CSMD1: variants seen among roughly 807,000 people sequenced by gnomAD.
The protein encoded by CSMD1 is CUB and Sushi multiple domains 1, also known as CUB and sushi domain-containing protein 1.
CSMD1 carries 213 observed loss-of-function variants against 417.5 expected under a neutral mutation model. The ratio of observed to expected loss-of-function variants is 0.51; its 90% CI spans 0.46 to 0.57. The LOEUF is 0.57. Among genes scored for constraint, CSMD1 ranks in the 20% least tolerant of loss-of-function variants. The pLI is 0.00. For missense variants in CSMD1, 6,923 were observed against 4,529.7 expected (o/e 1.53, Z -15.17); for synonymous variants, 2,862 against 1,736.8 (o/e 1.65, Z -16.11).
chr8:3,738,942 A>G (rs1407747454), intron 6 of CSMD1, among the ~76,000 whole-genome samples: 1 of 152,186 alleles, frequency 6.6e-6, no homozygotes, highest in African/African-American at 2.4e-5. Context: ...CTGAATGCGC[A>G]TATTTGTATG....
chr8:3,327,155 T>C (rs1462736720), intron 23 of CSMD1, among the ~76,000 whole-genome samples: 1 of 152,138 alleles, frequency 6.6e-6, no homozygotes, highest in African/African-American at 2.4e-5. Flanking sequence ...ATCTTTTTTT[T>C]TTTTTGAAAG....
rs562358234 is a variant in CSMD1, at chr8:3,053,328, G to A, written c.7475-681C>T. On this transcript the variant is annotated intron_variant, in intron 49 of 69. Transcript: ENST00000635120. The stretch of plus-strand genomic sequence containing the variant: ...ATCTCATATTGGAAAGAAAGAAGAA[G>A]GGATGAAGCAGCATCTTTATCATCA... 2.0e-5 allele frequency among the ~76,000 whole-genome samples: 3 copies of A among 152,278 alleles called. No homozygotes were observed. In the East Asian group the frequency reaches 5.8e-4, roughly 29 times the overall value.
At chr8:4,820,088 G>A (rs1416158955) in intron 1 of CSMD1, among the ~76,000 whole-genome samples, 1 of 152,124 alleles carries the variant, frequency 6.6e-6, no homozygotes, top group Non-Finnish European at 1.5e-5. Flanking sequence ...TCTGGTCCAA[G>A]AAAGCCACCT....
At chr8:3,183,274 A>C (rs1429784926) in intron 36 of CSMD1, 3 of 141,628 alleles carry the variant, frequency 2.1e-5, no homozygotes, top group Non-Finnish European at 4.7e-5. Context: ...CTGAACGCCT[A>C]ATCTATCTAT....
intron 3 of CSMD1, among the ~76,000 whole-genome samples, chr8:4,238,148 C>G (rs1292824518): frequency 3.3e-5 from 5 of 152,188 alleles, no homozygotes; most frequent in African/African-American, 1.2e-4. Flanking sequence ...TCTGGTAAGT[C>G]CAGTCCTGGA....
Position 3,219,352 on chromosome 8 carries a change from C to A in CSMD1, c.4575G>T (p.Gln1525His). 6.4e-7 allele frequency: 1 copy of A among 1,574,114 alleles called. No homozygotes were observed. Among genetic ancestry groups the A allele is most frequent in the East Asian group, 2.3e-5 (1 of 43,258 alleles). Residue 1525 changes from glutamine to histidine, a missense_variant, in exon 29 of 70, where the codon CAG becomes CAT. Physicochemically the swap from Gln to His is conservative, Grantham distance 24. Coordinates refer to ENST00000635120, the MANE Select transcript of CSMD1 (RefSeq NM_033225.6). ...SPLIGSYQGS[Q>H]APERIESSGN... ...CGCTACTCTCTATTCTTTCTGGGGC[C>A]TGAGAGCCCTGGTAACTCCCAATGA...
intron 3 of CSMD1, among the ~76,000 whole-genome samples, chr8:4,233,008 A>C (rs760675247): frequency 6.6e-6 from 1 of 152,178 alleles, no homozygotes; most frequent in Non-Finnish European, 1.5e-5. Context: ...ACGTGGTGTC[A>C]TGTCTACATG....
At chr8:3,960,719 G>A (rs1038933031) in intron 5 of CSMD1, among the ~76,000 whole-genome samples, 1 of 151,570 alleles carries the variant, frequency 6.6e-6, no homozygotes, top group Non-Finnish European at 1.5e-5. Flanking sequence ...TCTTTTTAAG[G>A]ATAAATTTAA....
At chr8:4,048,289 T>G (rs1414419740) in intron 3 of CSMD1, among the ~76,000 whole-genome samples, 2 of 152,330 alleles carry the variant, frequency 1.3e-5, no homozygotes, top group African/African-American at 2.4e-5. Flanking sequence ...ATTATGAGCA[T>G]AAGATTGAGC....
intron 5 of CSMD1, among the ~76,000 whole-genome samples, chr8:3,872,205 G>A (rs774067355): frequency 5.9e-5 from 9 of 152,258 alleles, no homozygotes; most frequent in East Asian, 1.9e-4. Flanking sequence ...ATGTGAGATC[G>A]TATACTTCAT....
At chr8:4,126,195 C>T (rs562143116) in intron 3 of CSMD1, among the ~76,000 whole-genome samples, 1 of 152,292 alleles carries the variant, frequency 6.6e-6, no homozygotes, top group South Asian at 2.1e-4. Flanking sequence ...ATTAAAAACC[C>T]TGATCCCCAA....
chr8:4,164,232 CA>C (rs1797328445), intron 3 of CSMD1, among the ~76,000 whole-genome samples: 1 of 151,324 alleles, frequency 6.6e-6, no homozygotes, highest in Admixed American at 6.6e-5. Context: ...TTGAAATATA[CA>C]AAAGTTAGAA....
intron 5 of CSMD1, among the ~76,000 whole-genome samples, chr8:3,839,502 A>ATT (rs1802971732): frequency 1.6e-5 from 1 of 61,342 alleles, no homozygotes. Flanking sequence ...ATATTAATAT[A>ATT]TATATTTATA....
At chr8:4,757,745 G>A (rs567891862) in intron 1 of CSMD1, among the ~76,000 whole-genome samples, 2 of 151,980 alleles carry the variant, frequency 1.3e-5, no homozygotes, top group African/African-American at 2.4e-5. Flanking sequence ...GATCACTTGA[G>A]GCCAGGAGTT....
intron 1 of CSMD1, among the ~76,000 whole-genome samples, chr8:4,956,927 G>T (rs1563865048): frequency 6.6e-6 from 1 of 152,104 alleles, no homozygotes; most frequent in Non-Finnish European, 1.5e-5. Flanking sequence ...ACATTCAATT[G>T]CACTGGACAC....
intron 5 of CSMD1, among the ~76,000 whole-genome samples, chr8:3,820,652 T>C (rs759771848): frequency 6.6e-6 from 1 of 152,226 alleles, no homozygotes; most frequent in African/African-American, 2.4e-5. Context: ...CTCGGCTCAG[T>C]GCAAACTCTG....
intron 1 of CSMD1, among the ~76,000 whole-genome samples, chr8:4,800,727 G>A (rs1412600237): frequency 6.6e-6 from 1 of 152,160 alleles, no homozygotes; most frequent in Non-Finnish European, 1.5e-5. Flanking sequence ...GAGCTGCATT[G>A]CTTAAGGCCT....
At chr8:4,973,804 G>A (rs1277981243) in intron 1 of CSMD1, among the ~76,000 whole-genome samples, 1 of 152,042 alleles carries the variant, frequency 6.6e-6, no homozygotes, top group Non-Finnish European at 1.5e-5. Context: ...TAATAACTTA[G>A]CTGTTCCTGA....
At chr8:4,369,784 G>A (rs1476039477) in intron 3 of CSMD1, among the ~76,000 whole-genome samples, 1 of 152,138 alleles carries the variant, frequency 6.6e-6, no homozygotes, top group African/African-American at 2.4e-5. Flanking sequence ...CTGTTTGCCT[G>A]ATAGATCTTT....
Sources: allele counts gnomAD v4.1 joint callset (sites outside exome capture counted in the v4.1 genomes callset), GRCh38; gene constraint gnomAD v4.1.1; transcripts MANE v1.5; gene names NCBI Gene and HGNC (gene_info 2026-07-23, HGNC 2026-07-21).